CD58: variants seen among roughly 807,000 people sequenced by gnomAD.
CD58 encodes the protein lymphocyte function-associated antigen 3.
A neutral mutation model predicts 27.6 loss-of-function variants in CD58; 14 were observed. The ratio of observed to expected loss-of-function variants is 0.51; its 90% CI spans 0.34 to 0.79. CD58 has a LOEUF of 0.79. Ranked by LOEUF, CD58 falls within the 30% of genes least tolerant of loss-of-function variation. The pLI is 0.02. For missense variants in CD58, 268 were observed against 301.7 expected (o/e 0.89, Z 0.83); for synonymous variants, 117 against 103.8 (o/e 1.13, Z -0.77).
intron 3 of CD58, chr1:116,533,804 C>A: frequency 1.3e-6 from 1 of 751,690 alleles, no homozygotes; most frequent in Non-Finnish European, 2.4e-6. Context: ...TGGTATAATG[C>A]TGCATATTTT....
Position 116,519,304 on chromosome 1 carries a change from TGAAAA to T in CD58, c.707-42_707-38del. On this transcript the variant is annotated intron_variant, in intron 4 of 5. Coordinates refer to ENST00000369489, the MANE Select transcript of CD58 (RefSeq NM_001779.3). The surrounding 1 kb of genome is among the most constrained non-coding windows in gnomAD (Gnocchi z 4.7). ...GAAATTGTCTTCTCAATTAAAGAAC[TGAAAA>T]GAAAAGGTGAAATGTGGAGTTACTG... is the stretch of plus-strand genomic sequence containing the variant. 2 of 1,591,480 alleles carry T rather than the reference TGAAAA, an allele frequency of 1.3e-6. No individual in the cohort carries two copies. Among genetic ancestry groups the T allele is most frequent in the South Asian group, 2.2e-5 (2 of 89,254 alleles).
chr1:116,518,904 G>T, intron 5 of CD58: 1 of 1,077,984 alleles, frequency 9.3e-7, no homozygotes, highest in Non-Finnish European at 1.2e-6. Flanking sequence ...TTAAATCCCA[G>T]CCCATCACTT....
intron 3 of CD58, among the ~76,000 whole-genome samples, chr1:116,525,112 C>T (rs1419785758): frequency 1.3e-5 from 2 of 152,212 alleles, no homozygotes. Context: ...TTCAGTTGTA[C>T]ATTCTGTGGG....
rs1156347790 is a variant in CD58, at chr1:116,538,245, C to T, written c.365-2017G>A. Among the ~76,000 whole-genome samples the T allele has an allele frequency of 1.3e-5, 2 of 152,160 alleles. No individual in the cohort carries two copies. Among genetic ancestry groups the T allele is most frequent in the Admixed American group, 1.3e-4 (2 of 15,280 alleles). ...GTGGAATTTCTCAGAATTAAATCTTCAGTGGCAATCCAATCCAATGGATAA... is the reference window on the plus strand; with the variant it reads ...GTGGAATTTCTCAGAATTAAATCTTTAGTGGCAATCCAATCCAATGGATAA... On this transcript the variant is annotated intron_variant, in intron 2 of 5. Transcript: ENST00000369489. The surrounding 1 kb of genome is among the most constrained non-coding windows in gnomAD (Gnocchi z 4.7).
chr1:116,520,852 G>A (rs1657243136), intron 4 of CD58, among the ~76,000 whole-genome samples: 1 of 152,074 alleles, frequency 6.6e-6, no homozygotes, highest in South Asian at 2.1e-4. Flanking sequence ...GATTTTCATG[G>A]TATTTACAAC....
chr1:116,514,864 A>T (rs1357416379), intron 5 of CD58, 42 bp from the exon 6 acceptor site: 1 of 1,481,910 alleles, frequency 6.7e-7, no homozygotes. Flanking sequence ...AAATGCAGTA[A>T]ATCTGGGCTG....
chr1:116,553,639 C>A (rs903084084), intron 1 of CD58, among the ~76,000 whole-genome samples: 4 of 152,140 alleles, frequency 2.6e-5, no homozygotes, highest in Non-Finnish European at 5.9e-5. Context: ...CAGTTTGACA[C>A]TGTTCAGTGT....
chr1:116,567,443 C>A (rs1324683980), intron 1 of CD58, among the ~76,000 whole-genome samples: 1 of 152,008 alleles, frequency 6.6e-6, no homozygotes. Context: ...TAAGACCAGT[C>A]TGGGCAACAT....
intron 3 of CD58, among the ~76,000 whole-genome samples, chr1:116,526,266 C>A (rs1657429674): frequency 6.6e-6 from 1 of 152,164 alleles, no homozygotes; most frequent in Non-Finnish European, 1.5e-5. Flanking sequence ...AAAAAGTCAT[C>A]ATATCCAAAG....
rs975888793 is a variant in CD58 at position 116,546,272 on chromosome 1, A to C, written c.71-1668T>G. On this transcript the variant is annotated intron_variant, in intron 1 of 5. Transcript: ENST00000369489. This position sits in a 1 kb window ranked among gnomAD's most constrained non-coding sequence, Gnocchi z 4.1. ...AGTAGCAATTAGGGTAATTGAAATA[A>C]TACAGGGGAAATCAAGAACACTGAA... Among the ~76,000 whole-genome samples, 1 of 152,238 alleles carries C rather than the reference A, an allele frequency of 6.6e-6. No individual in the cohort carries two copies. The highest frequency in any genetic ancestry group is 2.4e-5 in the African/African-American group (1 of 41,460).
chr1:116,553,189 G>C (rs1288695575), intron 1 of CD58, among the ~76,000 whole-genome samples: 2 of 149,980 alleles, frequency 1.3e-5, no homozygotes, highest in Non-Finnish European at 3.0e-5. Flanking sequence ...AAGTTTAAAG[G>C]CTCCTTATAT....
At chr1:116,525,919 G>A (rs1267170048) in intron 3 of CD58, among the ~76,000 whole-genome samples, 1 of 152,160 alleles carries the variant, frequency 6.6e-6, no homozygotes, top group Non-Finnish European at 1.5e-5. Context: ...CCAAAGTGCT[G>A]GGATTACAGG....
rs1167551372 is a variant in CD58 at position 116,534,958 on chromosome 1, C to A, written c.628+1007G>T. ...TCATATTCTCTATTTGCCCTGGAATCCTGTTCACTATTTACAATTATATTA... is the reference window on the plus strand; with the variant it reads ...TCATATTCTCTATTTGCCCTGGAATACTGTTCACTATTTACAATTATATTA... On this transcript the variant is annotated intron_variant, in intron 3 of 5. Transcript: ENST00000369489. The surrounding 1 kb of genome is among the most constrained non-coding windows in gnomAD (Gnocchi z 5.3). Among the ~76,000 whole-genome samples, 1 of 152,144 alleles carries A rather than the reference C, an allele frequency of 6.6e-6. No homozygotes were observed. The highest frequency in any genetic ancestry group is 2.4e-5 in the African/African-American group (1 of 41,416).
At position 116,563,123 on chromosome 1, in the gene CD58, A is replaced by G. The variant is rs776615909; in HGVS notation, c.70+7780T>C. ...CAAATGGGAGAAATTGTCCAAAACA[A>G]AAGGGCTACAGGCCCCATGCAAGTC... On this transcript the variant is annotated intron_variant, in intron 1 of 5. Coordinates refer to ENST00000369489, the MANE Select transcript of CD58 (RefSeq NM_001779.3). This position sits in a 1 kb window ranked among gnomAD's most constrained non-coding sequence, Gnocchi z 4.1. Among the ~76,000 whole-genome samples the G allele has an allele frequency of 2.0e-5, 3 of 152,232 alleles. No individual in the cohort carries two copies. The highest frequency in any genetic ancestry group is 4.4e-5 in the Non-Finnish European group (3 of 68,036).
chr1:116,539,459 CT>C (rs1178078198), intron 2 of CD58, among the ~76,000 whole-genome samples: 2 of 151,730 alleles, frequency 1.3e-5, no homozygotes, highest in African/African-American at 4.8e-5. Flanking sequence ...TATCAGGTCA[CT>C]GTAAAGGTCA....
At chr1:116,560,215 T>C (rs1658711516) in intron 1 of CD58, 1 of 152,242 alleles carries the variant, frequency 6.6e-6, no homozygotes. Flanking sequence ...AGCACTTCTT[T>C]AGCCTGTTGT....
Position 116,544,417 on chromosome 1 carries a change from C to A in CD58, c.258G>T (p.Val86=). ...AGTTGTAGATAGTGAGGCTACCTGACACAGTGTCTAAATAAACCCTATTTT... is the reference window on the plus strand; with the variant it reads ...AGTTGTAGATAGTGAGGCTACCTGAAACAGTGTCTAAATAAACCCTATTTT... ...SFKNRVYLDT[V]SGSLTIYNLT... Residue 86 remains valine, a synonymous_variant, in exon 2 of 6, where the codon GTG becomes GTT. Transcript: ENST00000369489. The A allele has an allele frequency of 6.2e-7, 1 of 1,613,732 alleles. No individual in the cohort carries two copies. Among genetic ancestry groups the A allele is most frequent in the Non-Finnish European group, 8.5e-7 (1 of 1,179,732 alleles).
At chr1:116,555,714 T>G (rs1191734331) in intron 1 of CD58, among the ~76,000 whole-genome samples, 2 of 152,204 alleles carry the variant, frequency 1.3e-5, no homozygotes, top group African/African-American at 4.8e-5. Flanking sequence ...TAGTTCTTTT[T>G]GTATGGCCTG....
rs1422767700 is a variant in CD58, at chr1:116,557,819, G to C, written c.70+13084C>G. Among the ~76,000 whole-genome samples the C allele has an allele frequency of 6.6e-6, 1 of 151,826 alleles. No homozygotes were observed. Among genetic ancestry groups the C allele is most frequent in the Non-Finnish European group, 1.5e-5 (1 of 67,954 alleles). The stretch of plus-strand genomic sequence containing the variant: ...CTCCCAAGTAGCTAGAACTACAGTT[G>C]CATGCCACCACGCCCAGCTAATTTT... On this transcript the variant is annotated intron_variant, in intron 1 of 5. Transcript: ENST00000369489. This position sits in a 1 kb window ranked among gnomAD's most constrained non-coding sequence, Gnocchi z 5.2.
Sources: gnomAD v4.1 joint callset for allele counts (sites outside exome capture counted in the v4.1 genomes callset) on GRCh38, gnomAD v4.1.1 for gene constraint, Gnocchi (gnomAD v3.1) non-coding constraint, MANE v1.5 for transcripts, NCBI Gene and HGNC (gene_info 2026-07-23, HGNC 2026-07-21) for gene names.